Variants in DBP observed in about 807,000 individuals in gnomAD.
The protein encoded by DBP is D site-binding protein.
Under a neutral mutation model 21.4 loss-of-function variants are expected in DBP, and 12 were observed. The ratio of observed to expected loss-of-function variants is 0.56; its 90% CI spans 0.36 to 0.91. The LOEUF (loss-of-function observed/expected upper bound fraction) is 0.91, where lower values mean the gene tolerates loss of function less well. DBP is among the 40% of genes least tolerant of loss of function. The pLI is 0.01. For missense variants in DBP, 423 were observed against 473.4 expected (o/e 0.89, Z 0.99); for synonymous variants, 213 against 224.9 (o/e 0.95, Z 0.47).
chr19:48,630,682 C>T lies in DBP; in HGVS notation c.*155G>A, dbSNP rs762019198. 215 of 1,425,062 alleles carry T rather than the reference C, an allele frequency of 1.5e-4. No individual in the cohort carries two copies. Among genetic ancestry groups the T allele is most frequent in the Non-Finnish European group, 1.8e-4 (197 of 1,081,684 alleles). 88.3% of individuals were successfully genotyped at this position (1,425,062 alleles called of 1,614,324 possible). ...GCCCCCGCAAGGGAGGGGGGAGGCT[C>T]GCTTTTTCTTAAAAATATAAATGTA... On this transcript the variant is annotated 3_prime_UTR_variant, in exon 4 of 4. Coordinates refer to ENST00000222122, the MANE Select transcript of DBP (RefSeq NM_001352.5). This position sits in a 1 kb window ranked among gnomAD's most constrained non-coding sequence, Gnocchi z 4.9.
chr19:48,635,724 C>CG lies in DBP; in HGVS notation c.405dup (p.Gly136ArgfsTer71). 6.7e-6 allele frequency: 9 copies of CG among 1,344,810 alleles called. No homozygotes were observed. The highest frequency in any genetic ancestry group is 5.8e-5 in the South Asian group (3 of 51,968). 83.3% of individuals were successfully genotyped at this position (1,344,810 alleles called of 1,614,324 possible). ...GGCGACGGCTCCGGCGACGGGCCAC[C>CG]GGGGGGCGGCGGGCTGGGCGGGAGC... On this transcript the variant is annotated frameshift_variant, in exon 2 of 4. Coordinates refer to ENST00000222122, the MANE Select transcript of DBP (RefSeq NM_001352.5). LOFTEE classifies it high-confidence loss of function.
At position 48,630,323 on chromosome 19, in the gene DBP, C is replaced by T. The variant is rs1214933946; in HGVS notation, c.*514G>A. On this transcript the variant is annotated 3_prime_UTR_variant, in exon 4 of 4. Coordinates refer to ENST00000222122, the MANE Select transcript of DBP (RefSeq NM_001352.5). This position sits in a 1 kb window ranked among gnomAD's most constrained non-coding sequence, Gnocchi z 4.9. ...GGCGGGGAAATTCATATCCCCTGTTCGTCTCATGCGCGTCCTCCGTCCCCA... is the reference window on the plus strand; with the variant it reads ...GGCGGGGAAATTCATATCCCCTGTTTGTCTCATGCGCGTCCTCCGTCCCCA... The T allele has an allele frequency of 7.7e-7, 1 of 1,303,394 alleles. No homozygotes were observed. The highest frequency in any genetic ancestry group is 9.7e-7 in the Non-Finnish European group (1 of 1,026,858). 80.7% of individuals were successfully genotyped at this position (1,303,394 alleles called of 1,614,324 possible). A position where few individuals can be genotyped will look rare whatever the true frequency, so the allele number is the denominator to read the frequency against.
Position 48,635,268 on chromosome 19 carries a change from G to A in DBP, c.550+312C>T, listed in dbSNP as rs993218839. The A allele has an allele frequency of 2.1e-5, 25 of 1,196,618 alleles. No homozygotes were observed. The Admixed American group carries it at 6.2e-4, about 30-fold the overall frequency. The allele number at this position is 1,196,618 out of a possible 1,614,324, so 74.1% of individuals were successfully genotyped here. Reference sequence around the variant, plus strand: ...CCCCAGTAAATAACTCTGGTGTTCCGGACTTCCAGTTCTGGCTTCACGAGT... The same window carrying A: ...CCCCAGTAAATAACTCTGGTGTTCCAGACTTCCAGTTCTGGCTTCACGAGT... On this transcript the variant is annotated intron_variant, in intron 2 of 3. Coordinates refer to ENST00000222122, the MANE Select transcript of DBP (RefSeq NM_001352.5).
At chr19:48,636,115 G>T in intron 1 of DBP, 125 bp from the exon 2 acceptor site, 1 of 905,186 alleles carries the variant, frequency 1.1e-6, no homozygotes, top group Non-Finnish European at 1.5e-6. Flanking sequence ...GGGTCGGAGA[G>T]GAGAGACGGG....
At chr19:48,633,292 T>C (rs2030664145) in intron 3 of DBP, 152 bp downstream of exon 3, 1 of 802,014 alleles carries the variant, frequency 1.2e-6, no homozygotes, top group Admixed American at 1.9e-5. Context: ...TTGTGCCCCG[T>C]GGCCAAGGAG....
chr19:48,630,321 T>C lies in DBP; in HGVS notation c.*516A>G. 7.7e-7 allele frequency: 1 copy of C among 1,305,910 alleles called. No individual in the cohort carries two copies. The highest frequency in any genetic ancestry group is 9.7e-7 in the Non-Finnish European group (1 of 1,028,274). The allele number at this position is 1,305,910 out of a possible 1,614,324, so 80.9% of individuals were successfully genotyped here. A position where few individuals can be genotyped will look rare whatever the true frequency, so the allele number is the denominator to read the frequency against. On this transcript the variant is annotated 3_prime_UTR_variant, in exon 4 of 4. Coordinates refer to ENST00000222122, the MANE Select transcript of DBP (RefSeq NM_001352.5). The surrounding 1 kb of genome is among the most constrained non-coding windows in gnomAD (Gnocchi z 4.9). ...GGGGCGGGGAAATTCATATCCCCTG[T>C]TCGTCTCATGCGCGTCCTCCGTCCC... is the stretch of plus-strand genomic sequence containing the variant.
chr19:48,633,783 A>G, intron 2 of DBP, 128 bp from the exon 3 acceptor site: 1 of 768,102 alleles, frequency 1.3e-6, no homozygotes, highest in Admixed American at 2.3e-5. Context: ...TCGGCCAGGG[A>G]TTAATCTCCC....
In DBP at chr19:48,637,307, G is replaced by A. The variant is rs1438388997; in HGVS notation, c.-313C>T. On this transcript the variant is annotated 5_prime_UTR_variant, in exon 1 of 4. Coordinates refer to ENST00000222122, the MANE Select transcript of DBP (RefSeq NM_001352.5). Reference sequence around the variant, plus strand: ...TCAAGGCGCTCCTTCTACAAGGTGGGCGAGCCTGGCTCTTGCAAAATCTGC... The same window carrying A: ...TCAAGGCGCTCCTTCTACAAGGTGGACGAGCCTGGCTCTTGCAAAATCTGC... 9.0e-6 allele frequency: 3 copies of A among 331,970 alleles called. No individual in the cohort carries two copies. The highest frequency in any genetic ancestry group is 1.6e-5 in the Non-Finnish European group (3 of 182,850). The allele number at this position is 331,970 out of a possible 1,614,324, so 20.6% of individuals were successfully genotyped here. A position where few individuals can be genotyped will look rare whatever the true frequency, so the allele number is the denominator to read the frequency against.
At position 48,637,011 on chromosome 19, in the gene DBP, C is replaced by T. The variant is rs2030836546; in HGVS notation, c.-17G>A. The T allele has an allele frequency of 6.8e-7, 1 of 1,480,060 alleles. No individual in the cohort carries two copies. The highest frequency in any genetic ancestry group is 8.9e-7 in the Non-Finnish European group (1 of 1,119,896). 91.7% of individuals were successfully genotyped at this position (1,480,060 alleles called of 1,614,324 possible). A position where few individuals can be genotyped will look rare whatever the true frequency, so the allele number is the denominator to read the frequency against. ...CCGCGCCATCGCCTGGCACCTGCCC[C>T]CAGGCTCACGGGTTCATGGAGAGGC... is the stretch of plus-strand genomic sequence containing the variant. On this transcript the variant is annotated 5_prime_UTR_variant, in exon 1 of 4. Transcript: ENST00000222122.
At position 48,630,457 on chromosome 19, in the gene DBP, G is replaced by A. The variant is rs1199885601; in HGVS notation, c.*380C>T. 1.4e-6 allele frequency: 2 copies of A among 1,464,870 alleles called. No homozygotes were observed. Among genetic ancestry groups the A allele is most frequent in the Admixed American group, 2.6e-5 (1 of 37,952 alleles). 90.7% of individuals were successfully genotyped at this position (1,464,870 alleles called of 1,614,324 possible). On this transcript the variant is annotated 3_prime_UTR_variant, in exon 4 of 4. Coordinates refer to ENST00000222122, the MANE Select transcript of DBP (RefSeq NM_001352.5). The surrounding 1 kb of genome is among the most constrained non-coding windows in gnomAD (Gnocchi z 4.9). ...AGCCCGCGGGAGGACTCAGACTCCA[G>A]CACTTCCAGCAGCGCCTGCCCTCTA...
rs1443159791 is a variant in DBP at position 48,630,941 on chromosome 19, T to C, written c.874A>G (p.Lys292Glu). ...QISVRAAFLE[K>E]ENALLRQEVV... The stretch of plus-strand genomic sequence containing the variant: ...TCCTGCCGCAGCAGGGCGTTCTCCT[T>C]CTCCAGGAAGGCCGCCCGCACCGAT... Residue 292 changes from lysine to glutamate, a missense_variant, in exon 4 of 4, where the codon AAG (lysine) becomes GAG (glutamate). Around this residue, in one of 4 missense-constraint regions of DBP, gnomAD observed 30 missense variants for 70.9 expected, o/e 0.42. Coordinates refer to ENST00000222122, the MANE Select transcript of DBP (RefSeq NM_001352.5). The surrounding 1 kb of genome is among the most constrained non-coding windows in gnomAD (Gnocchi z 4.9). 6.2e-7 allele frequency: 1 copy of C among 1,612,696 alleles called. No individual in the cohort carries two copies. The highest frequency in any genetic ancestry group is 8.5e-7 in the Non-Finnish European group (1 of 1,179,610).
At chr19:48,635,152 TCCTTTG>T (rs894677588) in intron 2 of DBP, 6 of 1,010,448 alleles carry the variant, frequency 5.9e-6, no homozygotes, top group African/African-American at 3.5e-5. Flanking sequence ...TCTGTGCCTC[TCCTTTG>T]CCTTTGCCCC....
chr19:48,635,615 CG>C lies in DBP; in HGVS notation c.514del (p.Arg172GlyfsTer14). ...GCCGCTGGCGGTCCCGAGGGCAGCC[CG>C]GGCGGGGGCGTGCCCAGGAGAGGAG... Reference protein sequence around the residue: ...PRSSPGHAPARAALGTASGHR... With the variant: ...PRSSPGHAPAXAALGTASGHR... On this transcript the variant is annotated frameshift_variant, in exon 2 of 4. Transcript: ENST00000222122. LOFTEE classifies it high-confidence loss of function. 1 of 1,344,388 alleles carries C rather than the reference CG, an allele frequency of 7.4e-7. No homozygotes were observed. The highest frequency in any genetic ancestry group is 9.5e-7 in the Non-Finnish European group (1 of 1,057,604). 83.3% of individuals were successfully genotyped at this position (1,344,388 alleles called of 1,614,324 possible).
intron 2 of DBP, chr19:48,634,307 C>T (rs2030701999): frequency 1.3e-5 from 2 of 154,228 alleles, no homozygotes; most frequent in South Asian, 3.8e-4. Context: ...CTTCTAAAAC[C>T]TCAGGACTTC....
At chr19:48,634,033 G>A (rs1428031565) in intron 2 of DBP, 1 of 286,528 alleles carries the variant, frequency 3.5e-6, no homozygotes, top group African/African-American at 2.2e-5. Context: ...CCGGACCCTG[G>A]AGGTGGAGGT....
rs370632315 is a variant in DBP at position 48,631,066 on chromosome 19, G to A, written c.763-14C>T. On this transcript the variant is annotated splice_polypyrimidine_tract_variant and intron_variant, in intron 3 of 3. Coordinates refer to ENST00000222122, the MANE Select transcript of DBP (RefSeq NM_001352.5). ...GTATTTCTCATCCTGCAGGAGAAGA[G>A]GGGGAGAGCACTGAGGTCCAGAGGG... The A allele has an allele frequency of 5.0e-6, 8 of 1,603,058 alleles. No homozygotes were observed. In the African/African-American group the frequency reaches 7.2e-5, roughly 15 times the overall value.
chr19:48,630,861 G>C lies in DBP; in HGVS notation c.954C>G (p.Tyr318Ter). 1.2e-6 allele frequency: 2 copies of C among 1,604,148 alleles called. No individual in the cohort carries two copies. The highest frequency in any genetic ancestry group is 1.7e-6 in the Non-Finnish European group (2 of 1,175,736). ...LSHYRAVLSR[Y>*]QAQHGAL The stretch of plus-strand genomic sequence containing the variant: ...CTCACAGGGCCCCGTGCTGGGCCTG[G>C]TATCGGGACAGCACGGCGCGGTAGT... Residue 318 changes from tyrosine to a stop codon, truncating the protein, a stop_gained, in exon 4 of 4, where the codon TAC becomes TAG. Transcript: ENST00000222122. LOFTEE classifies it high-confidence loss of function. This position sits in a 1 kb window ranked among gnomAD's most constrained non-coding sequence, Gnocchi z 4.9.
In DBP at chr19:48,630,642, C is replaced by T. The variant is rs1377319225; in HGVS notation, c.*195G>A. 6.7e-7 allele frequency: 1 copy of T among 1,484,572 alleles called. No homozygotes were observed. Among genetic ancestry groups the T allele is most frequent in the Non-Finnish European group, 8.9e-7 (1 of 1,120,292 alleles). 92.0% of individuals were successfully genotyped at this position (1,484,572 alleles called of 1,614,324 possible). Reference sequence around the variant, plus strand: ...GTCCCTGACGTGCCGGGGACACACACAGAGAACCCTCCCCGCCCCCGCAAG... The same window carrying T: ...GTCCCTGACGTGCCGGGGACACACATAGAGAACCCTCCCCGCCCCCGCAAG... On this transcript the variant is annotated 3_prime_UTR_variant, in exon 4 of 4. Coordinates refer to ENST00000222122, the MANE Select transcript of DBP (RefSeq NM_001352.5). The surrounding 1 kb of genome is among the most constrained non-coding windows in gnomAD (Gnocchi z 4.9).
intron 1 of DBP, 50 bp from the exon 2 acceptor site, chr19:48,636,040 G>T: frequency 6.9e-7 from 1 of 1,453,392 alleles, no homozygotes; most frequent in South Asian, 1.4e-5. Context: ...GGGGGAGATA[G>T]AGATGGAGAA....
Sources: gnomAD v4.1 joint callset for allele counts on GRCh38, gnomAD v4.1.1 for gene constraint, gnomAD v4.1.1 regional missense constraint, Gnocchi (gnomAD v3.1) non-coding constraint, MANE v1.5 for transcripts, NCBI Gene and HGNC (gene_info 2026-07-23, HGNC 2026-07-21) for gene names.